Variants in LRP1B observed in about 807,000 individuals in gnomAD.
LRP1B encodes the protein low-density lipoprotein receptor-related protein 1B.
In LRP1B, 217 loss-of-function variants were observed where a neutral mutation model predicts 556.6. The ratio of observed to expected loss-of-function variants is 0.39; its 90% confidence interval spans 0.35 to 0.44. The LOEUF (loss-of-function observed/expected upper bound fraction) is 0.44, where lower values mean the gene tolerates loss of function less well. LRP1B is among the 20% of genes least tolerant of loss of function. The probability of loss-of-function intolerance (pLI) is 1.00; values close to 1 mark genes in which losing one functional copy is unlikely to be tolerated. For missense variants in LRP1B, 5,053 were observed against 5,620.8 expected (o/e 0.90, Z 3.23); for synonymous variants, 2,047 against 1,865.8 (o/e 1.10, Z -2.50).
At chr2:141,140,008 C>G (rs913996362) in intron 7 of LRP1B, among the ~76,000 whole-genome samples, 2 of 148,146 alleles carry the variant, frequency 1.4e-5, no homozygotes, top group Non-Finnish European at 3.0e-5. Flanking sequence ...TACTACTCAG[C>G]AAAAAAAAAG....
At chr2:140,244,298 A>G (rs959686112) in intron 87 of LRP1B, among the ~76,000 whole-genome samples, 34 of 151,376 alleles carry the variant, frequency 2.2e-4, no homozygotes, top group African/African-American at 7.5e-4. Flanking sequence ...AAGACAAAGT[A>G]GCAAAAGAGA....
intron 11 of LRP1B, among the ~76,000 whole-genome samples, chr2:141,047,047 A>ACTCCAGCCTGGGCGATAGAG (rs1553451699): frequency 7.1e-6 from 1 of 140,962 alleles, no homozygotes; most frequent in African/African-American, 2.6e-5. Flanking sequence ...GCAGCACTGC[A>ACTCCAGCCTGGGCGATAGAG]CAAAAATTAA....
intron 66 of LRP1B, among the ~76,000 whole-genome samples, chr2:140,408,629 C>T (rs370802443): frequency 1.3e-5 from 2 of 151,898 alleles, no homozygotes; most frequent in East Asian, 1.9e-4. Flanking sequence ...GAAGAGTGAC[C>T]TCTTGAAGAC....
At chr2:140,615,395 T>C (rs939666080) in intron 41 of LRP1B, among the ~76,000 whole-genome samples, 1 of 152,100 alleles carries the variant, frequency 6.6e-6, no homozygotes, top group Non-Finnish European at 1.5e-5. Flanking sequence ...GGGAGGCTGT[T>C]TGAGTAATAA....
At chr2:141,074,678 T>C (rs1412561850) in intron 7 of LRP1B, among the ~76,000 whole-genome samples, 1 of 150,572 alleles carries the variant, frequency 6.6e-6, no homozygotes, top group Non-Finnish European at 1.5e-5. Flanking sequence ...ACAGGCTCTT[T>C]ATAAATTTCC....
At chr2:140,928,978 CTAAGA>C (rs1694967997) in intron 20 of LRP1B, among the ~76,000 whole-genome samples, 1 of 151,990 alleles carries the variant, frequency 6.6e-6, no homozygotes, top group Non-Finnish European at 1.5e-5. Context: ...AAAAATTGTG[CTAAGA>C]TAAGATAAGC....
intron 60 of LRP1B, among the ~76,000 whole-genome samples, chr2:140,466,415 G>T (rs1252159514): frequency 1.3e-5 from 2 of 151,964 alleles, no homozygotes; most frequent in Non-Finnish European, 2.9e-5. Flanking sequence ...ACACAAACTG[G>T]ATTCCAGAGC....
chr2:142,063,065 A>T (rs1283001908), intron 1 of LRP1B, among the ~76,000 whole-genome samples: 1 of 151,312 alleles, frequency 6.6e-6, no homozygotes, highest in African/African-American at 2.4e-5. Flanking sequence ...CCAAAAAAAA[A>T]AAAAAGCTGA....
chr2:140,816,020 CA>C (rs919852316), intron 31 of LRP1B, among the ~76,000 whole-genome samples: 2 of 152,052 alleles, frequency 1.3e-5, no homozygotes, highest in Non-Finnish European at 2.9e-5. Flanking sequence ...TAATAAACAT[CA>C]AATAAATGGC....
intron 86 of LRP1B, among the ~76,000 whole-genome samples, chr2:140,262,512 G>C (rs1159742555): frequency 6.6e-6 from 1 of 152,128 alleles, no homozygotes; most frequent in African/African-American, 2.4e-5. Context: ...TCTGAATCCA[G>C]AACTTGTGTT....
intron 1 of LRP1B, among the ~76,000 whole-genome samples, chr2:141,940,951 A>ATGAACCAG (rs1258937181): frequency 6.6e-6 from 1 of 152,220 alleles, no homozygotes; most frequent in African/African-American, 2.4e-5. Flanking sequence ...AGCCTTTGAT[A>ATGAACCAG]TGAACCAGTG....
At chr2:141,597,820 C>T (rs928090386) in intron 2 of LRP1B, among the ~76,000 whole-genome samples, 1 of 151,850 alleles carries the variant, frequency 6.6e-6, no homozygotes, top group African/African-American at 2.4e-5. Flanking sequence ...GTCACTTAAA[C>T]GTATCAGACA....
chr2:142,126,041 C>T (rs534375141), intron 1 of LRP1B, among the ~76,000 whole-genome samples: 27 of 151,942 alleles, frequency 1.8e-4, no homozygotes, highest in Middle Eastern at 6.8e-3. Context: ...TAATGGAACT[C>T]AGTCTTTGGC....
intron 31 of LRP1B, among the ~76,000 whole-genome samples, chr2:140,830,231 A>T (rs1001737926): frequency 3.9e-5 from 6 of 152,090 alleles, no homozygotes; most frequent in African/African-American, 1.2e-4. Context: ...TAAAACTCGA[A>T]GTGGAGGGAA....
chr2:141,596,115 C>A (rs1264228570), intron 2 of LRP1B, among the ~76,000 whole-genome samples: 5 of 151,600 alleles, frequency 3.3e-5, no homozygotes, highest in Middle Eastern at 3.4e-3. Flanking sequence ...CCATGGCAAA[C>A]CTTTTGTTTA....
chr2:141,905,992 ATG>A (rs10588603), intron 1 of LRP1B, among the ~76,000 whole-genome samples: 14,392 of 140,018 alleles, frequency 0.1, 771 homozygotes, highest in African/African-American at 0.18. Context: ...TAGACAAGAG[ATG>A]TGTGTGTGTG....
rs771210659 is a variant in LRP1B at position 140,233,224 on chromosome 2, T to C, written c.13762A>G (p.Lys4588Glu). ...TCTCTTATACCAATTTCTATTTTCT[T>C]TGGAAGCAGTTCTTTCCTTTCATCA... ...SVDERKELLP[K>E]KIEIGIRETV... The change falls in exon 91 of 91, where the codon AAG (lysine) becomes GAG (glutamate). Residue 4588 changes from lysine to glutamate, a missense_variant. Coordinates refer to ENST00000389484, the MANE Select transcript of LRP1B (RefSeq NM_018557.3). 1.9e-6 allele frequency: 3 copies of C among 1,605,394 alleles called. No homozygotes were observed. The highest frequency in any genetic ancestry group is 1.7e-6 in the Non-Finnish European group (2 of 1,174,198).
chr2:141,338,895 C>T (rs1687943326), intron 3 of LRP1B, among the ~76,000 whole-genome samples: 1 of 152,054 alleles, frequency 6.6e-6, no homozygotes, highest in African/African-American at 2.4e-5. Flanking sequence ...TTTCATGACT[C>T]TCCTTGTTCT....
intron 41 of LRP1B, 86 bp from the exon 42 acceptor site, chr2:140,601,725 G>A (rs1033908543): frequency 4.0e-6 from 3 of 748,712 alleles, no homozygotes; most frequent in Middle Eastern, 4.2e-4. Context: ...AGACATACAT[G>A]TATACCTGTT....
Sources: gnomAD v4.1 joint callset for allele counts (sites outside exome capture counted in the v4.1 genomes callset) on GRCh38, gnomAD v4.1.1 for gene constraint, MANE v1.5 for transcripts, NCBI Gene and HGNC (gene_info 2026-07-23, HGNC 2026-07-21) for gene names.